The following LUZP1 variants were observed in gnomAD, a reference collection of about 807,000 sequenced individuals.
LUZP1 encodes leucine zipper protein 1.
A neutral mutation model predicts 71.3 loss-of-function variants in LUZP1; 25 were observed. The observed-to-expected ratio is 0.35, with a 90% CI of 0.26 to 0.49. The LOEUF (loss-of-function observed/expected upper bound fraction) is 0.49, where lower values mean the gene tolerates loss of function less well. Among genes scored for constraint, LUZP1 ranks in the 20% least tolerant of loss-of-function variants. The probability of loss-of-function intolerance (pLI) is 0.99; values close to 1 mark genes in which losing one functional copy is unlikely to be tolerated. For synonymous variants in LUZP1, 481 were observed against 506.4 expected (o/e 0.95, Z 0.67); for missense variants, 1,142 against 1,300.8 (o/e 0.88, Z 1.88).
chr1:23,155,310 G>A (rs1214159924), intron 2 of LUZP1, among the ~76,000 whole-genome samples: 1 of 151,968 alleles, frequency 6.6e-6, no homozygotes, highest in Non-Finnish European at 1.5e-5. Flanking sequence ...TCAATCCTAG[G>A]AAACATAAGA....
chr1:23,091,215 G>A (rs1240777135), exon 4 of LUZP1: 2 of 1,611,300 alleles, frequency 1.2e-6, no homozygotes, highest in African/African-American at 1.3e-5. Context: ...GTTCCAGGCT[G>A]CGACAGTGAT....
chr1:23,130,236 T>C (rs1569628794), intron 2 of LUZP1, among the ~76,000 whole-genome samples: 1 of 152,210 alleles, frequency 6.6e-6, no homozygotes, highest in East Asian at 1.9e-4. Context: ...TTTTTAACTC[T>C]ACCTTTGTTG....
intron 3 of LUZP1, among the ~76,000 whole-genome samples, chr1:23,107,297 T>A (rs1178855803): frequency 1.3e-5 from 2 of 152,190 alleles, no homozygotes; most frequent in African/African-American, 2.4e-5. Context: ...TAGTGGATGT[T>A]ATTTGTCTAC....
intron 2 of LUZP1, among the ~76,000 whole-genome samples, chr1:23,129,807 G>T (rs1431753991): frequency 6.6e-6 from 1 of 152,142 alleles, no homozygotes; most frequent in Non-Finnish European, 1.5e-5. Flanking sequence ...TTCTGCATCT[G>T]TATCTATATT....
intron 3 of LUZP1, among the ~76,000 whole-genome samples, chr1:23,098,326 C>A (rs1643904709): frequency 1.3e-5 from 2 of 152,090 alleles, no homozygotes; most frequent in Admixed American, 1.3e-4. Context: ...GTAAGGGTAC[C>A]AGGTACCAGA....
intron 1 of LUZP1, among the ~76,000 whole-genome samples, chr1:23,173,549 G>A (rs779049011): frequency 6.6e-6 from 1 of 151,598 alleles, no homozygotes. Flanking sequence ...TAGAGATGGG[G>A]TTTCACCATG....
At chr1:23,103,869 AGGGAGGG>A (rs1557641164) in intron 3 of LUZP1, among the ~76,000 whole-genome samples, 304 of 5,158 alleles carry the variant, frequency 0.059, 5 homozygotes, top group Non-Finnish European at 0.081. Flanking sequence ...GGAGGGAGGG[AGGGAGGG>A]AGGGAGAGAG....
intron 2 of LUZP1, among the ~76,000 whole-genome samples, chr1:23,134,544 C>T (rs965415119): frequency 6.6e-6 from 1 of 151,962 alleles, no homozygotes; most frequent in African/African-American, 2.4e-5. Flanking sequence ...TTTGGGAGAT[C>T]GAGGCAGGAG....
intron 2 of LUZP1, among the ~76,000 whole-genome samples, chr1:23,139,045 T>TATATATATAC (rs1389415209): frequency 1.2e-4 from 14 of 119,698 alleles, no homozygotes; most frequent in South Asian, 5.6e-4. Flanking sequence ...TATATATATA[T>TATATATATAC]ACACACATCA....
chr1:23,132,190 A>G (rs148431481), intron 2 of LUZP1, among the ~76,000 whole-genome samples: 1 of 152,326 alleles, frequency 6.6e-6, no homozygotes, highest in Non-Finnish European at 1.5e-5. Context: ...AAGTCAACAA[A>G]TACTCATTAA....
chr1:23,121,706 C>A (rs762405794), intron 2 of LUZP1, among the ~76,000 whole-genome samples: 32 of 152,030 alleles, frequency 2.1e-4, no homozygotes. Context: ...CAGAGCAAGA[C>A]CCTGCCTCAA....
chr1:23,107,876 G>A (rs1643996498), intron 3 of LUZP1, among the ~76,000 whole-genome samples: 1 of 152,216 alleles, frequency 6.6e-6, no homozygotes, highest in Admixed American at 6.5e-5. Context: ...GAAGAGTTCT[G>A]TATTATCCCT....
intron 2 of LUZP1, among the ~76,000 whole-genome samples, chr1:23,163,215 G>A (rs1644482880): frequency 6.7e-6 from 1 of 148,904 alleles, no homozygotes; most frequent in Non-Finnish European, 1.5e-5. Context: ...ACTCCAGCCT[G>A]GGTGACAGGG....
intron 2 of LUZP1, among the ~76,000 whole-genome samples, chr1:23,137,066 G>T (rs1440874027): frequency 2.0e-5 from 3 of 152,252 alleles, no homozygotes; most frequent in Non-Finnish European, 4.4e-5. Context: ...AGAACCTCTA[G>T]TTCCACTATA....
chr1:23,096,473 T>C (rs543072512), intron 3 of LUZP1, among the ~76,000 whole-genome samples: 1 of 152,266 alleles, frequency 6.6e-6, no homozygotes, highest in Non-Finnish European at 1.5e-5. Context: ...ATTAAAGATA[T>C]GGACCTCACA....
At chr1:23,163,555 TAAA>T (rs57231452) in intron 2 of LUZP1, among the ~76,000 whole-genome samples, 5 of 119,160 alleles carry the variant, frequency 4.2e-5, no homozygotes, top group Non-Finnish European at 5.1e-5. Flanking sequence ...TCCCGTCTCT[TAAA>T]AAAAAAAAAA....
chr1:23,172,245 T>C (rs1441612257), intron 1 of LUZP1, among the ~76,000 whole-genome samples: 2 of 152,202 alleles, frequency 1.3e-5, no homozygotes. Context: ...AAGGTCTCTA[T>C]TGGGCATTGT....
chr1:23,175,396 G>A (rs1644576516), intron 1 of LUZP1, among the ~76,000 whole-genome samples: 1 of 152,158 alleles, frequency 6.6e-6, no homozygotes, highest in South Asian at 2.1e-4. Flanking sequence ...ATAATACAAA[G>A]GAAAGGCATC....
chr1:23,122,212 C>G (rs1644135788), intron 2 of LUZP1, among the ~76,000 whole-genome samples: 1 of 152,026 alleles, frequency 6.6e-6, no homozygotes, highest in Non-Finnish European at 1.5e-5. Flanking sequence ...TAACTGAGAG[C>G]TTAAAATCCA....
Sources: allele counts gnomAD v4.1 joint callset (sites outside exome capture counted in the v4.1 genomes callset), GRCh38; gene constraint gnomAD v4.1.1; transcripts MANE v1.5; gene names NCBI Gene and HGNC (gene_info 2026-07-23, HGNC 2026-07-21).